The following UBR3 variants were observed in gnomAD, a reference collection of about 807,000 sequenced individuals.
UBR3 encodes the protein ubiquitin protein ligase E3 component n-recognin 3.
A neutral mutation model predicts 243.2 loss-of-function variants in UBR3; 85 were observed. The ratio of observed to expected loss-of-function variants is 0.35; its 90% confidence interval spans 0.29 to 0.42. The LOEUF (loss-of-function observed/expected upper bound fraction) is 0.42. Among genes scored for constraint, UBR3 ranks in the 10% least tolerant of loss-of-function variants. The pLI is 1.00. For missense variants in UBR3, 1,686 were observed against 2,300.8 expected (o/e 0.73, Z 5.47); for synonymous variants, 748 against 799.8 (o/e 0.94, Z 1.09).
intron 35 of UBR3, among the ~76,000 whole-genome samples, chr2:170,066,555 CT>C (rs1248800826): frequency 4.6e-5 from 7 of 152,284 alleles, no homozygotes; most frequent in South Asian, 2.1e-4. Context: ...AATATATCTC[CT>C]TTTTTTCTTC....
intron 30 of UBR3, among the ~76,000 whole-genome samples, chr2:170,016,421 C>A (rs547522678): frequency 2.0e-5 from 3 of 151,662 alleles, no homozygotes; most frequent in African/African-American, 7.3e-5. Flanking sequence ...TAAAAATTGA[C>A]CCCTTTATGC....
In UBR3 at chr2:169,896,742, C is replaced by G; in HGVS notation, c.1465+7C>G. 1 of 1,536,786 alleles carries G rather than the reference C, an allele frequency of 6.5e-7. No individual in the cohort carries two copies. Among genetic ancestry groups the G allele is most frequent in the Non-Finnish European group, 8.8e-7 (1 of 1,135,746 alleles). On this transcript the variant is annotated splice_region_variant and intron_variant, in intron 8 of 38. Transcript: ENST00000272793. ...ATTAAAAGTGAGCTACAAGGTAACT[C>G]AGAATTATATTCACTAGTTCTATTA...
chr2:169,939,346 T>G (rs377041728), intron 19 of UBR3, among the ~76,000 whole-genome samples: 6 of 150,878 alleles, frequency 4.0e-5, no homozygotes, highest in African/African-American at 1.5e-4. Context: ...GCAAGCTCCA[T>G]CTCCCAGGTT....
At chr2:170,054,148 G>T (rs923462604) in intron 32 of UBR3, among the ~76,000 whole-genome samples, 5 of 151,948 alleles carry the variant, frequency 3.3e-5, no homozygotes, top group South Asian at 2.1e-4. Flanking sequence ...CTTTATTTGA[G>T]ACAGGCTCTC....
intron 8 of UBR3, among the ~76,000 whole-genome samples, chr2:169,904,563 G>GGT (rs894061664): frequency 9.8e-4 from 148 of 151,530 alleles, no homozygotes; most frequent in Middle Eastern, 3.4e-3. Flanking sequence ...TTAAGAAGTT[G>GGT]GTGTGTGTGT....
intron 31 of UBR3, among the ~76,000 whole-genome samples, chr2:170,032,901 G>C (rs2090717728): frequency 6.6e-6 from 1 of 151,914 alleles, no homozygotes; most frequent in African/African-American, 2.4e-5. Context: ...GACTATGTAT[G>C]TATCTTGCTA....
chr2:169,943,291 A>G (rs1480517779), intron 20 of UBR3, among the ~76,000 whole-genome samples: 1 of 152,188 alleles, frequency 6.6e-6, no homozygotes, highest in East Asian at 1.9e-4. Context: ...AGGGATTTTT[A>G]TAATCTCATC....
chr2:169,924,246 C>T (rs2085817586), intron 13 of UBR3, 73 bp downstream of exon 13: 1 of 1,139,762 alleles, frequency 8.8e-7, no homozygotes. Flanking sequence ...ATTTATATGC[C>T]TTTCATTGTT....
At chr2:169,946,694 T>C (rs1467392757) in intron 21 of UBR3, among the ~76,000 whole-genome samples, 1 of 152,120 alleles carries the variant, frequency 6.6e-6, no homozygotes, top group Non-Finnish European at 1.5e-5. Flanking sequence ...ATCACAAAAA[T>C]TAAGAAAAAT....
At chr2:169,898,306 A>G (rs2084668353) in intron 8 of UBR3, among the ~76,000 whole-genome samples, 1 of 152,160 alleles carries the variant, frequency 6.6e-6, no homozygotes. Context: ...TGTCCTGAAA[A>G]TTGATATGAA....
At chr2:170,022,339 T>C (rs1422465794) in intron 30 of UBR3, among the ~76,000 whole-genome samples, 1 of 152,092 alleles carries the variant, frequency 6.6e-6, no homozygotes, top group Non-Finnish European at 1.5e-5. Context: ...GAACACAACA[T>C]GGAAAGTATG....
chr2:170,010,276 C>G (rs2090044462), intron 29 of UBR3, among the ~76,000 whole-genome samples: 1 of 152,072 alleles, frequency 6.6e-6, no homozygotes, highest in African/African-American at 2.4e-5. Flanking sequence ...ACAGAACTTC[C>G]ATATGATATT....
intron 24 of UBR3, among the ~76,000 whole-genome samples, chr2:169,968,034 G>A (rs988931298): frequency 6.6e-5 from 10 of 151,830 alleles, no homozygotes; most frequent in African/African-American, 2.4e-4. Flanking sequence ...ACCATGCAGT[G>A]TGTAGAGATA....
intron 1 of UBR3, among the ~76,000 whole-genome samples, chr2:169,860,688 T>C (rs1266376590): frequency 2.0e-5 from 3 of 152,172 alleles, no homozygotes; most frequent in Non-Finnish European, 4.4e-5. Context: ...TTCTCTTGGA[T>C]TGTCTTAGGA....
rs772854600 is a variant in UBR3, at chr2:170,040,857, T to C, written c.4557-25T>C. The C allele has an allele frequency of 3.2e-6, 5 of 1,555,272 alleles. 1 individual carries two copies. The South Asian group carries it at 3.3e-5, about 10-fold the overall frequency. On this transcript the variant is annotated intron_variant, in intron 31 of 38. Transcript: ENST00000272793. Reference sequence around the variant, plus strand: ...GAAAGAGAAGATATACAATACTATGTAAAGTGACTACATTTTTCTTTTAGG... The same window carrying C: ...GAAAGAGAAGATATACAATACTATGCAAAGTGACTACATTTTTCTTTTAGG...
At chr2:169,883,727 T>C (rs933438739) in intron 5 of UBR3, among the ~76,000 whole-genome samples, 1 of 152,254 alleles carries the variant, frequency 6.6e-6, no homozygotes. Flanking sequence ...AATGCCATTT[T>C]AGCCAGTAAT....
At chr2:169,879,438 C>CG (rs2083739874) in intron 5 of UBR3, among the ~76,000 whole-genome samples, 1 of 151,946 alleles carries the variant, frequency 6.6e-6, no homozygotes, top group Non-Finnish European at 1.5e-5. Flanking sequence ...CACAATGTTA[C>CG]ATTTTGTGGA....
chr2:170,001,939 A>AAAG (rs60033869), intron 27 of UBR3, among the ~76,000 whole-genome samples: 3,026 of 112,168 alleles, frequency 0.027, 11 homozygotes, highest in East Asian at 0.055. Flanking sequence ...AAAAAAAAAA[A>AAAG]AAAGAAAGAA....
Position 170,080,623 on chromosome 2 carries a change from C to T in UBR3, c.5488C>T (p.Arg1830Cys), listed in dbSNP as rs1203412476. Reference protein sequence around the residue: ...ASVIIIIRGHRFCLWGSVYLD... With the variant: ...ASVIIIIRGHCFCLWGSVYLD... ...GGTAATTATCATCATTCGAGGTCAC[C>T]GCTTCTGCCTCTGGGGTTCCGTGTA... The change falls in exon 38 of 39, where the codon CGC becomes TGC. Residue 1830 changes from arginine (R) to cysteine (C), a missense_variant. Transcript: ENST00000272793. 4.3e-6 allele frequency: 7 copies of T among 1,613,816 alleles called. No homozygotes were observed. Among genetic ancestry groups the T allele is most frequent in the Non-Finnish European group, 5.9e-6 (7 of 1,179,940 alleles).
Sources: gnomAD v4.1 joint callset for allele counts (sites outside exome capture counted in the v4.1 genomes callset) on GRCh38, gnomAD v4.1.1 for gene constraint, MANE v1.5 for transcripts, NCBI Gene and HGNC (gene_info 2026-07-23, HGNC 2026-07-21) for gene names.